LPP: variants seen among roughly 807,000 people sequenced by gnomAD.
LPP encodes lipoma-preferred partner.
LPP carries 38 observed loss-of-function variants against 60.4 expected under a neutral mutation model. The ratio of observed to expected loss-of-function variants is 0.63; its 90% CI spans 0.49 to 0.83. LPP has a LOEUF of 0.83. Ranked by LOEUF, LPP falls within the 40% of genes least tolerant of loss-of-function variation. The pLI, the probability that LPP is intolerant of heterozygous loss-of-function variation, is 0.00. For synonymous variants in LPP, 328 were observed against 290.8 expected, an observed-to-expected ratio of 1.13 and a Z score of -1.30; for missense variants, 902 against 783.6, an observed-to-expected ratio of 1.15 and a Z score of -1.80.
At chr3:188,355,273 C>T (rs1045096268) in intron 3 of LPP, among the ~76,000 whole-genome samples, 1 of 152,130 alleles carries the variant, frequency 6.6e-6, no homozygotes, top group African/African-American at 2.4e-5. Context: ...TCCCAAAGTG[C>T]TGGGATTACA....
At chr3:188,708,178 C>T (rs1865857135) in intron 7 of LPP, 89 bp from the exon 8 acceptor site, 1 of 1,475,372 alleles carries the variant, frequency 6.8e-7, no homozygotes, top group East Asian at 2.3e-5. Context: ...GCTTTTTCCT[C>T]TCCAGTGCAA....
chr3:188,160,669 C>G (rs138534481), intron 1 of LPP, among the ~76,000 whole-genome samples: 312 of 152,346 alleles, frequency 2.0e-3, no homozygotes, highest in Admixed American at 4.7e-3. Flanking sequence ...TATCTGTGAT[C>G]AGATACAACT....
At chr3:188,731,861 C>A (rs779599412) in intron 8 of LPP, among the ~76,000 whole-genome samples, 77 of 152,146 alleles carry the variant, frequency 5.1e-4, no homozygotes, top group Non-Finnish European at 9.4e-4. Flanking sequence ...CTCCTCCTTT[C>A]TTCCTTCATG....
intron 6 of LPP, among the ~76,000 whole-genome samples, chr3:188,545,842 T>C (rs747922483): frequency 1.3e-5 from 2 of 152,144 alleles, no homozygotes; most frequent in African/African-American, 2.4e-5. Flanking sequence ...GAGGTCCACC[T>C]GGGCTCAAAG....
intron 6 of LPP, among the ~76,000 whole-genome samples, chr3:188,606,040 GAC>G (rs1187346204): frequency 1.3e-5 from 2 of 152,148 alleles, no homozygotes; most frequent in South Asian, 2.1e-4. Context: ...TCTGTTGAGA[GAC>G]ACTGATAAAC....
chr3:188,330,724 G>C (rs1759785710), intron 2 of LPP, among the ~76,000 whole-genome samples: 1 of 152,144 alleles, frequency 6.6e-6, no homozygotes, highest in African/African-American at 2.4e-5. Flanking sequence ...GCTGAGGTGG[G>C]AATATCACTT....
intron 3 of LPP, among the ~76,000 whole-genome samples, chr3:188,405,229 A>G (rs1249561570): frequency 6.6e-6 from 1 of 152,128 alleles, no homozygotes; most frequent in Non-Finnish European, 1.5e-5. Flanking sequence ...CCTTTTCCAC[A>G]TACCCCTTGG....
At chr3:188,868,908 A>G (rs1490551378) in intron 10 of LPP, among the ~76,000 whole-genome samples, 1 of 152,200 alleles carries the variant, frequency 6.6e-6, no homozygotes, top group Non-Finnish European at 1.5e-5. Context: ...TATATAGAGA[A>G]GTCACTGTCA....
chr3:188,765,117 A>G (rs1733596411), intron 9 of LPP, among the ~76,000 whole-genome samples: 1 of 152,172 alleles, frequency 6.6e-6, no homozygotes, highest in Admixed American at 6.5e-5. Context: ...TCTTAATAAA[A>G]TGTTTTAAAA....
At chr3:188,753,749 T>C (rs767778833) in intron 8 of LPP, among the ~76,000 whole-genome samples, 2 of 152,198 alleles carry the variant, frequency 1.3e-5, no homozygotes, top group South Asian at 2.1e-4. Context: ...ATTGATCCTT[T>C]TCTTGTTGCG....
chr3:188,424,412 T>C (rs540489306), intron 4 of LPP, among the ~76,000 whole-genome samples: 1 of 152,174 alleles, frequency 6.6e-6, no homozygotes, highest in Non-Finnish European at 1.5e-5. Context: ...TTGTTCTTTT[T>C]GCTTAGGATT....
At chr3:188,226,910 C>G (rs984615807) in intron 2 of LPP, among the ~76,000 whole-genome samples, 64 of 152,254 alleles carry the variant, frequency 4.2e-4, no homozygotes, top group African/African-American at 1.4e-3. Context: ...GGCTGGAAAC[C>G]ACTGGTTTGA....
At chr3:188,278,181 A>G (rs1355598692) in intron 2 of LPP, among the ~76,000 whole-genome samples, 3 of 152,182 alleles carry the variant, frequency 2.0e-5, no homozygotes, top group African/African-American at 2.4e-5. Context: ...TCCATATTGG[A>G]TGGATGAGGT....
Position 188,609,635 on chromosome 3 carries a change from G to A in LPP, c.904G>A (p.Ala302Thr), listed in dbSNP as rs775048391. 1 of 1,614,180 alleles carries A rather than the reference G, an allele frequency of 6.2e-7. No homozygotes were observed. The highest frequency in any genetic ancestry group is 8.5e-7 in the Non-Finnish European group (1 of 1,180,034). The change falls in exon 7 of 12, where the codon GCA becomes ACA. Residue 302 changes from alanine (A) to threonine (T), a missense_variant. Transcript: ENST00000617246. This position sits in a 1 kb window ranked among gnomAD's most constrained non-coding sequence, Gnocchi z 6.9. ...NQGRYYEGYY[A>T]AGPGYGGRND... ...GGGACGCTATTATGAAGGCTACTAT[G>A]CAGCAGGGCCAGGCTATGGGGGCAG...
Position 188,889,986 on chromosome 3 carries a change from T to TA in LPP, c.*15507_*15508insA, listed in dbSNP as rs1421046295. The stretch of plus-strand genomic sequence containing the variant: ...CATAAGGATGTTGGGATACAGAGAT[T>TA]TTTTTTTTCCTTGGAAACAAATGGA... On this transcript the variant is annotated 3_prime_UTR_variant, in exon 12 of 12. Coordinates refer to ENST00000617246, the MANE Select transcript of LPP (RefSeq NM_001375462.1). The TA allele has an allele frequency of 1.4e-5, 3 of 211,984 alleles. No individual in the cohort carries two copies. The highest frequency in any genetic ancestry group is 6.8e-5 in the African/African-American group (3 of 43,994). 13.1% of individuals were successfully genotyped at this position (211,984 alleles called of 1,614,324 possible).
chr3:188,189,944 A>T (rs1319705239), intron 1 of LPP, among the ~76,000 whole-genome samples: 1 of 152,162 alleles, frequency 6.6e-6, no homozygotes, highest in Non-Finnish European at 1.5e-5. Context: ...GACTGAAAGA[A>T]GGAGAGGAGC....
At chr3:188,809,119 T>C (rs1750087539) in intron 9 of LPP, among the ~76,000 whole-genome samples, 1 of 152,206 alleles carries the variant, frequency 6.6e-6, no homozygotes, top group African/African-American at 2.4e-5. Context: ...TCTTTGCTAT[T>C]GAAAAATAGT....
At chr3:188,680,270 A>G (rs1859187752) in intron 7 of LPP, among the ~76,000 whole-genome samples, 2 of 152,128 alleles carry the variant, frequency 1.3e-5, no homozygotes, top group Admixed American at 1.3e-4. Flanking sequence ...AAATTGTAAC[A>G]ATTAGAGGAG....
intron 1 of LPP, among the ~76,000 whole-genome samples, chr3:188,214,796 G>A (rs1712853937): frequency 6.6e-6 from 1 of 152,188 alleles, no homozygotes; most frequent in Admixed American, 6.5e-5. Flanking sequence ...GGGACAGTAA[G>A]AGGTTGGAGT....
Sources: gnomAD v4.1 joint callset for allele counts (sites outside exome capture counted in the v4.1 genomes callset) on GRCh38, gnomAD v4.1.1 for gene constraint, Gnocchi (gnomAD v3.1) non-coding constraint, MANE v1.5 for transcripts, NCBI Gene and HGNC (gene_info 2026-07-23, HGNC 2026-07-21) for gene names.